Variants in EAPP observed in about 807,000 individuals in gnomAD.
EAPP encodes the protein E2F-associated phosphoprotein.
EAPP carries 38 observed loss-of-function variants against 34.3 expected under a neutral mutation model. That is an observed-to-expected ratio of 1.11 (90% CI 0.85 to 1.45). EAPP has a LOEUF of 1.45. Ranked by LOEUF, EAPP falls within the 40% of genes most tolerant of loss-of-function variation. EAPP has a pLI of 0.00. For synonymous variants in EAPP, 113 were observed against 117.6 expected (o/e 0.96, Z 0.25); for missense variants, 338 against 343.7 (o/e 0.98, Z 0.13).
intron 3 of EAPP, among the ~76,000 whole-genome samples, chr14:34,532,543 A>G (rs1472205124): frequency 6.6e-6 from 1 of 152,108 alleles, no homozygotes; most frequent in Non-Finnish European, 1.5e-5. Context: ...ACTATAGGAA[A>G]CCTAAAGGAA....
intron 3 of EAPP, among the ~76,000 whole-genome samples, chr14:34,533,027 T>A (rs1334349610): frequency 6.7e-6 from 1 of 150,162 alleles, no homozygotes; most frequent in Non-Finnish European, 1.5e-5. Flanking sequence ...ATCAATGGCA[T>A]CCACTTTATT....
intron 5 of EAPP, among the ~76,000 whole-genome samples, chr14:34,522,252 G>A (rs1210555022): frequency 6.6e-6 from 1 of 151,294 alleles, no homozygotes; most frequent in African/African-American, 2.4e-5. Context: ...GAGCCACTGT[G>A]CCCATAATTT....
intron 2 of EAPP, among the ~76,000 whole-genome samples, 187 bp from the exon 3 acceptor site, chr14:34,533,726 C>T (rs774283717): frequency 2.0e-5 from 3 of 152,184 alleles, no homozygotes; most frequent in Non-Finnish European, 4.4e-5. Context: ...AGAACTGGCC[C>T]TCCTTAAAAT....
chr14:34,519,885 C>A (rs1020154546), intron 5 of EAPP, among the ~76,000 whole-genome samples: 1 of 133,702 alleles, frequency 7.5e-6, no homozygotes, highest in African/African-American at 2.8e-5. Flanking sequence ...TCTTTCTTTT[C>A]TTTTTTTTTT....
rs115737277 is a variant in EAPP, at chr14:34,537,192, G to T, written c.75-917C>A. On this transcript the variant is annotated intron_variant, in intron 1 of 5. Transcript: ENST00000250454. ...TACCAGCTAATTTTTTGTATTTTCA[G>T]TAAAGACATGATTTCATCATGTTGC... Among the ~76,000 whole-genome samples the T allele has an allele frequency of 3.7e-3, 556 of 152,100 alleles. 4 individuals are homozygous for T. The highest frequency in any genetic ancestry group is 0.013 in the African/African-American group (536 of 41,496).
intron 5 of EAPP, among the ~76,000 whole-genome samples, chr14:34,520,885 T>C (rs1007883528): frequency 1.3e-5 from 2 of 152,080 alleles, no homozygotes; most frequent in African/African-American, 4.8e-5. Flanking sequence ...CTGTAGCTAC[T>C]TTATATGCTA....
At chr14:34,529,318 T>G (rs1311845448) in intron 4 of EAPP, 40 bp downstream of exon 4, 1 of 1,426,500 alleles carries the variant, frequency 7.0e-7, no homozygotes, top group Non-Finnish European at 9.8e-7. Flanking sequence ...CTTTCAATCT[T>G]TTTTTCTAAA....
At chr14:34,528,713 C>G (rs1425764742) in intron 4 of EAPP, among the ~76,000 whole-genome samples, 1 of 151,538 alleles carries the variant, frequency 6.6e-6, no homozygotes, top group Non-Finnish European at 1.5e-5. Flanking sequence ...AAGCCACCAC[C>G]CTGGCCCATC....
intron 4 of EAPP, among the ~76,000 whole-genome samples, chr14:34,528,102 T>C (rs1317053152): frequency 1.3e-5 from 2 of 149,014 alleles, no homozygotes; most frequent in African/African-American, 4.9e-5. Context: ...AGTACAGTGG[T>C]ACAATATCAG....
At chr14:34,527,485 C>T (rs895840334) in intron 4 of EAPP, among the ~76,000 whole-genome samples, 4 of 152,034 alleles carry the variant, frequency 2.6e-5, no homozygotes, top group Non-Finnish European at 4.4e-5. Context: ...GCTATAACTG[C>T]ACCACTGCAC....
chr14:34,524,722 T>C lies in EAPP; in HGVS notation c.556A>G (p.Thr186Ala). The change falls in exon 5 of 6, where the codon ACC becomes GCC. Residue 186 changes from threonine to alanine, a missense_variant. Transcript: ENST00000250454. ...CTTTGGCAATCAAGGCAAAGTGTGGTCATGCAGGCAGGACAATTCAAGACA... is the reference window on the plus strand; with the variant it reads ...CTTTGGCAATCAAGGCAAAGTGTGGCCATGCAGGCAGGACAATTCAAGACA... ...DAVLNCPACM[T>A]TLCLDCQRHE... 6.2e-7 allele frequency: 1 copy of C among 1,609,868 alleles called. No individual in the cohort carries two copies. The highest frequency in any genetic ancestry group is 8.5e-7 in the Non-Finnish European group (1 of 1,178,508).
At chr14:34,519,725 C>T (rs1267219533) in intron 5 of EAPP, among the ~76,000 whole-genome samples, 2 of 151,986 alleles carry the variant, frequency 1.3e-5, no homozygotes, top group Non-Finnish European at 2.9e-5. Flanking sequence ...GTAACTCTTC[C>T]CTTCCTTACT....
intron 3 of EAPP, 122 bp downstream of exon 3, chr14:34,533,322 A>T (rs1006546791): frequency 1.3e-6 from 1 of 778,344 alleles, no homozygotes; most frequent in African/African-American, 1.7e-5. Flanking sequence ...GGTGTGAGCC[A>T]CCATGCCTAG....
chr14:34,521,737 C>T (rs1280466275), intron 5 of EAPP, among the ~76,000 whole-genome samples: 3 of 150,514 alleles, frequency 2.0e-5, no homozygotes, highest in Middle Eastern at 3.3e-3. Context: ...TGGGTTCAAG[C>T]GATTCTCCTG....
At chr14:34,538,975 CTTA>C (rs1202996022) in intron 1 of EAPP, among the ~76,000 whole-genome samples, 24 of 152,096 alleles carry the variant, frequency 1.6e-4, no homozygotes, top group African/African-American at 5.6e-4. Flanking sequence ...TCTTATTACC[CTTA>C]TTATACTATA....
chr14:34,517,079 A>G (rs2138880659), intron 5 of EAPP, among the ~76,000 whole-genome samples: 1 of 151,532 alleles, frequency 6.6e-6, no homozygotes, highest in East Asian at 1.9e-4. Context: ...CTGGGACTAC[A>G]GGCGCCCGCC....
At chr14:34,520,802 T>C (rs1879892840) in intron 5 of EAPP, among the ~76,000 whole-genome samples, 1 of 151,908 alleles carries the variant, frequency 6.6e-6, no homozygotes, top group South Asian at 2.1e-4. Context: ...ACACCCAGCC[T>C]GGCATTTTTT....
At chr14:34,530,677 A>C (rs1468962522) in intron 3 of EAPP, among the ~76,000 whole-genome samples, 2 of 152,106 alleles carry the variant, frequency 1.3e-5, no homozygotes, top group African/African-American at 4.8e-5. Flanking sequence ...TCAGAGACTC[A>C]AAAGAGCCAC....
chr14:34,519,633 A>C (rs66645413), intron 5 of EAPP, among the ~76,000 whole-genome samples: 22,103 of 152,002 alleles, frequency 0.15, 1,739 homozygotes, highest in Admixed American at 0.19. Flanking sequence ...TAAATTATCC[A>C]GTCTCGGGTA....
Sources: gnomAD v4.1 joint callset for allele counts (sites outside exome capture counted in the v4.1 genomes callset) on GRCh38, gnomAD v4.1.1 for gene constraint, MANE v1.5 for transcripts, NCBI Gene and HGNC (gene_info 2026-07-23, HGNC 2026-07-21) for gene names.